KCNK10: variants seen among roughly 807,000 people sequenced by gnomAD.
KCNK10 encodes potassium channel subfamily K member 10.
In KCNK10, 25 loss-of-function variants were observed where a neutral mutation model predicts 47.7. That is an observed-to-expected ratio of 0.52 (90% CI 0.38 to 0.73). KCNK10 has a LOEUF of 0.73. Ranked by LOEUF, KCNK10 falls within the 30% of genes least tolerant of loss-of-function variation. KCNK10 has a pLI of 0.00. For synonymous variants in KCNK10, 303 were observed against 285.6 expected (o/e 1.06, Z -0.61); for missense variants, 563 against 714.5 (o/e 0.79, Z 2.42).
intron 4 of KCNK10, among the ~76,000 whole-genome samples, chr14:88,195,004 T>C (rs1884866647): frequency 1.3e-5 from 2 of 148,432 alleles, no homozygotes; most frequent in Non-Finnish European, 3.0e-5. Context: ...GATACCCATG[T>C]TTTTGCTGCC....
chr14:88,296,430 G>A (rs150203786), intron 1 of KCNK10, among the ~76,000 whole-genome samples: 17 of 152,286 alleles, frequency 1.1e-4, no homozygotes, highest in African/African-American at 2.9e-4. Flanking sequence ...TAGGACACTC[G>A]ATAAATGCGT....
intron 4 of KCNK10, among the ~76,000 whole-genome samples, chr14:88,217,244 G>A (rs1207287890): frequency 1.3e-5 from 2 of 152,082 alleles, no homozygotes; most frequent in African/African-American, 4.8e-5. Context: ...TATGTACTAG[G>A]GCAGGCATGA....
intron 4 of KCNK10, among the ~76,000 whole-genome samples, chr14:88,223,984 T>C (rs1405206188): frequency 3.3e-5 from 5 of 151,430 alleles, no homozygotes; most frequent in Non-Finnish European, 7.4e-5. Flanking sequence ...AGTTCCAGAC[T>C]AGCCTTGCCA....
intron 3 of KCNK10, among the ~76,000 whole-genome samples, chr14:88,230,250 C>A (rs768157744): frequency 4.6e-5 from 7 of 152,110 alleles, no homozygotes; most frequent in Non-Finnish European, 8.8e-5. Flanking sequence ...AGAAAACAGG[C>A]GGTTGATTCC....
Position 88,260,587 on chromosome 14 carries a change from A to G in KCNK10, c.402+2615T>C, listed in dbSNP as rs1887082455. On this transcript the variant is annotated intron_variant, in intron 2 of 6. Coordinates refer to ENST00000319231, the MANE Select transcript of KCNK10 (RefSeq NM_138317.3). This position sits in a 1 kb window ranked among gnomAD's most constrained non-coding sequence, Gnocchi z 4.5. ...GATGAGAGAGTGTACAGTCAGTCCA[A>G]CCTTGCGCTGACTACCAGCTCTACC... Among the ~76,000 whole-genome samples the G allele has an allele frequency of 6.6e-6, 1 of 152,212 alleles. No individual in the cohort carries two copies. The highest frequency in any genetic ancestry group is 1.5e-5 in the Non-Finnish European group (1 of 68,046).
At chr14:88,298,628 C>T (rs936007880) in intron 1 of KCNK10, among the ~76,000 whole-genome samples, 2 of 152,178 alleles carry the variant, frequency 1.3e-5, no homozygotes, top group Non-Finnish European at 2.9e-5. Flanking sequence ...CTAGCCCAGA[C>T]CTTTGCTATG....
chr14:88,272,980 G>A (rs1021814118), intron 1 of KCNK10, among the ~76,000 whole-genome samples: 1 of 152,168 alleles, frequency 6.6e-6, no homozygotes, highest in Non-Finnish European at 1.5e-5. Flanking sequence ...AGAGTTAGGT[G>A]TGCAGCTCCT....
chr14:88,257,814 A>G (rs950774824), intron 2 of KCNK10, among the ~76,000 whole-genome samples: 12 of 152,200 alleles, frequency 7.9e-5, no homozygotes, highest in Non-Finnish European at 1.2e-4. Context: ...AGATAGCTCT[A>G]TTCCAAAAGA....
intron 2 of KCNK10, among the ~76,000 whole-genome samples, chr14:88,253,382 A>G (rs537784924): frequency 6.6e-6 from 1 of 152,312 alleles, no homozygotes; most frequent in East Asian, 1.9e-4. Context: ...AACGTTCCCA[A>G]CACAAAGAAA....
intron 4 of KCNK10, among the ~76,000 whole-genome samples, chr14:88,210,811 G>C (rs915011360): frequency 1.4e-5 from 2 of 147,498 alleles, no homozygotes; most frequent in Non-Finnish European, 3.0e-5. Context: ...CTGTCATTTG[G>C]GCCTATAAAA....
rs1888580271 is a variant in KCNK10 at position 88,322,990 on chromosome 14, C to CT, written c.-193dup. 2.8e-6 allele frequency: 4 copies of CT among 1,417,426 alleles called. No individual in the cohort carries two copies. The East Asian group carries it at 1.0e-4, about 37-fold the overall frequency. The allele number at this position is 1,417,426 out of a possible 1,614,324, so 87.8% of individuals were successfully genotyped here. A position where few individuals can be genotyped will look rare whatever the true frequency, so the allele number is the denominator to read the frequency against. ...TAGCTTGGGGGAGAACTGGAGAGGG[C>CT]TTGGGTGTTTGCACCGGCCAGGGGG... On this transcript the variant is annotated 5_prime_UTR_variant, in exon 1 of 7. Coordinates refer to ENST00000319231, the MANE Select transcript of KCNK10 (RefSeq NM_138317.3). The surrounding 1 kb of genome is among the most constrained non-coding windows in gnomAD (Gnocchi z 4.8).
chr14:88,198,343 C>CT (rs1229295817), intron 4 of KCNK10, among the ~76,000 whole-genome samples: 2 of 152,206 alleles, frequency 1.3e-5, no homozygotes, highest in African/African-American at 4.8e-5. Flanking sequence ...GCCACATCAA[C>CT]TGAGTAACTC....
rs758531762 is a variant in KCNK10 at position 88,185,962 on chromosome 14, C to T, written c.1205G>A (p.Arg402His). The T allele has an allele frequency of 1.2e-5, 20 of 1,613,624 alleles. No individual in the cohort carries two copies. The highest frequency in any genetic ancestry group is 4.5e-5 in the East Asian group (2 of 44,846). ...GGTGTCCAGGGCAGCAAAGACAGAG[C>T]GCTTCTCGGGGGACAGCATGTCCAG... ...HSLDMLSPEK[R>H]SVFAALDTGR... Residue 402 changes from arginine to histidine, a missense_variant, in exon 7 of 7, where the codon CGC (arginine) becomes CAC (histidine). Arg to His is a conservative substitution (Grantham distance 29, BLOSUM62 0). Coordinates refer to ENST00000319231, the MANE Select transcript of KCNK10 (RefSeq NM_138317.3). The surrounding 1 kb of genome is among the most constrained non-coding windows in gnomAD (Gnocchi z 4.3).
At chr14:88,257,109 T>G (rs147267467) in intron 2 of KCNK10, among the ~76,000 whole-genome samples, 1,777 of 152,244 alleles carry the variant, frequency 0.012, 28 homozygotes, top group African/African-American at 0.04. Flanking sequence ...TCTGTCAACT[T>G]TCTTAAATAT....
upstream of KCNK10, among the ~76,000 whole-genome samples, chr14:88,325,375 T>A (rs1013168391): frequency 6.6e-6 from 1 of 152,202 alleles, no homozygotes; most frequent in African/African-American, 2.4e-5. Context: ...GGAGGCAAGA[T>A]TGACATTTAC....
At chr14:88,211,946 T>A (rs569538592) in intron 4 of KCNK10, among the ~76,000 whole-genome samples, 5 of 145,530 alleles carry the variant, frequency 3.4e-5, no homozygotes, top group African/African-American at 1.3e-4. Flanking sequence ...AGGATGAAAA[T>A]GTTAAATCCA....
chr14:88,220,363 G>C (rs1885761737), intron 4 of KCNK10, among the ~76,000 whole-genome samples: 2 of 127,320 alleles, frequency 1.6e-5, no homozygotes, highest in Non-Finnish European at 1.6e-5. Flanking sequence ...CTTGCAGTGA[G>C]CCGAGATCGT....
intron 1 of KCNK10, among the ~76,000 whole-genome samples, chr14:88,310,739 G>T (rs1888311459): frequency 6.6e-6 from 1 of 152,128 alleles, no homozygotes; most frequent in Admixed American, 6.6e-5. Flanking sequence ...AACTAGCAGG[G>T]GGTCCCATTA....
At chr14:88,191,512 C>G (rs771782161) in intron 5 of KCNK10, among the ~76,000 whole-genome samples, 1 of 152,214 alleles carries the variant, frequency 6.6e-6, no homozygotes, top group Non-Finnish European at 1.5e-5. Context: ...TCTATCCGTA[C>G]CTTTCTACCA....
Sources: gnomAD v4.1 joint callset for allele counts (sites outside exome capture counted in the v4.1 genomes callset) on GRCh38, gnomAD v4.1.1 for gene constraint, Gnocchi (gnomAD v3.1) non-coding constraint, MANE v1.5 for transcripts, NCBI Gene and HGNC (gene_info 2026-07-23, HGNC 2026-07-21) for gene names.